Variants in SH3RF3 observed in about 807,000 individuals in gnomAD.
SH3RF3 encodes the protein E3 ubiquitin-protein ligase SH3RF3.
Under a neutral mutation model 66.3 loss-of-function variants are expected in SH3RF3, and 29 were observed. That is an observed-to-expected ratio of 0.44 (90% confidence interval 0.33 to 0.60). SH3RF3 has a LOEUF of 0.60. Among genes scored for constraint, SH3RF3 ranks in the 20% least tolerant of loss-of-function variants. The probability of loss-of-function intolerance (pLI) is 0.04; values close to 1 mark genes in which losing one functional copy is unlikely to be tolerated. For synonymous variants in SH3RF3, 583 were observed against 532.0 expected, an observed-to-expected ratio of 1.10 and a Z score of -1.32; for missense variants, 1,194 against 1,190.9, an observed-to-expected ratio of 1.00 and a Z score of -0.04.
chr2:109,410,063 A>G (rs147798100), intron 4 of SH3RF3, among the ~76,000 whole-genome samples: 3,094 of 152,282 alleles, frequency 0.02, 47 homozygotes, highest in Non-Finnish European at 0.032. Context: ...TAATCCCAGC[A>G]GGGAACTAAT....
chr2:109,256,163 G>A (rs185198685), intron 1 of SH3RF3, among the ~76,000 whole-genome samples: 4 of 152,276 alleles, frequency 2.6e-5, no homozygotes, highest in African/African-American at 7.2e-5. Flanking sequence ...AGCACCTGGC[G>A]GAGGCCCTCA....
chr2:109,441,158 A>G (rs1346170753), intron 7 of SH3RF3, among the ~76,000 whole-genome samples: 1 of 148,896 alleles, frequency 6.7e-6, no homozygotes, highest in Non-Finnish European at 1.5e-5. Context: ...TCCAGCTCTC[A>G]ACAACATAAA....
intron 2 of SH3RF3, among the ~76,000 whole-genome samples, chr2:109,358,224 A>G (rs1287206823): frequency 6.6e-6 from 1 of 152,234 alleles, no homozygotes; most frequent in Non-Finnish European, 1.5e-5. Context: ...ATAGCTTAAT[A>G]GCTCATTTCC....
intron 1 of SH3RF3, among the ~76,000 whole-genome samples, chr2:109,295,043 C>A (rs1228528851): frequency 2.6e-5 from 4 of 152,254 alleles, no homozygotes; most frequent in Non-Finnish European, 5.9e-5. Context: ...TTCTCAGGAT[C>A]CCTGCAGGAA....
intron 7 of SH3RF3, among the ~76,000 whole-genome samples, chr2:109,442,766 A>G (rs1373349765): frequency 1.3e-5 from 2 of 152,254 alleles, no homozygotes; most frequent in African/African-American, 4.8e-5. Flanking sequence ...GAAAACATCC[A>G]AAAGAAAGCA....
intron 4 of SH3RF3, among the ~76,000 whole-genome samples, chr2:109,412,069 C>T (rs1410136067): frequency 6.6e-6 from 1 of 152,226 alleles, no homozygotes; most frequent in African/African-American, 2.4e-5. Flanking sequence ...CCTCCTGACA[C>T]CGAGCCCTGT....
rs148130340 is a variant in SH3RF3, at chr2:109,421,269, A to C, written c.1403+1627A>C. Among the ~76,000 whole-genome samples, 36 of 152,350 alleles carry C rather than the reference A, an allele frequency of 2.4e-4. No individual in the cohort carries two copies. In the East Asian group the frequency reaches 6.4e-3, roughly 27 times the overall value. On this transcript the variant is annotated intron_variant, in intron 5 of 9. Transcript: ENST00000309415. ...GGTTGCTGAGGCCATGAGTGCTTCA[A>C]GGGCAAAGCCCAGATGTGTTTGTTT...
chr2:109,209,840 T>A (rs1413955619), intron 1 of SH3RF3, among the ~76,000 whole-genome samples: 3 of 152,218 alleles, frequency 2.0e-5, no homozygotes, highest in Non-Finnish European at 4.4e-5. Flanking sequence ...TGACAAAACA[T>A]ATATTACATA....
intron 3 of SH3RF3, among the ~76,000 whole-genome samples, chr2:109,383,643 A>G (rs1675752254): frequency 6.6e-6 from 1 of 151,970 alleles, no homozygotes; most frequent in Non-Finnish European, 1.5e-5. Flanking sequence ...CCTGAATTCC[A>G]CCTGTGATGC....
chr2:109,202,890 G>A (rs1678716310), intron 1 of SH3RF3, among the ~76,000 whole-genome samples: 1 of 152,258 alleles, frequency 6.6e-6, no homozygotes, highest in Non-Finnish European at 1.5e-5. Context: ...GATTAGCACA[G>A]TTTTGTCCCG....
chr2:109,486,011 G>C (rs891376705), intron 8 of SH3RF3, among the ~76,000 whole-genome samples: 1 of 152,240 alleles, frequency 6.6e-6, no homozygotes, highest in African/African-American at 2.4e-5. Context: ...CAGTGTGTGC[G>C]CTCCAGCCAG....
chr2:109,174,942 A>G (rs1677882695), intron 1 of SH3RF3, among the ~76,000 whole-genome samples: 1 of 152,182 alleles, frequency 6.6e-6, no homozygotes, highest in Non-Finnish European at 1.5e-5. Context: ...GAGTCCTTGC[A>G]TTTGCCTTAA....
intron 1 of SH3RF3, among the ~76,000 whole-genome samples, chr2:109,210,262 G>A (rs902556029): frequency 2.6e-5 from 4 of 152,224 alleles, no homozygotes; most frequent in Admixed American, 1.3e-4. Context: ...GTCACTATGC[G>A]TGTAGGTGTA....
At chr2:109,203,074 G>C (rs551859871) in intron 1 of SH3RF3, among the ~76,000 whole-genome samples, 2 of 152,324 alleles carry the variant, frequency 1.3e-5, no homozygotes, top group South Asian at 4.1e-4. Flanking sequence ...GGCTACAGAA[G>C]CTCCGTCGAG....
chr2:109,466,783 G>T (rs1678356751), intron 8 of SH3RF3, among the ~76,000 whole-genome samples: 1 of 149,258 alleles, frequency 6.7e-6, no homozygotes, highest in South Asian at 2.1e-4. Context: ...GTCTATACTT[G>T]TGCATGTGTG....
At chr2:109,346,301 G>A (rs896344718) in intron 1 of SH3RF3, among the ~76,000 whole-genome samples, 4 of 152,138 alleles carry the variant, frequency 2.6e-5, no homozygotes, top group East Asian at 3.9e-4. Flanking sequence ...GTCGTTTGAC[G>A]TTGCTGAAAC....
rs1052847454 is a variant in SH3RF3, at chr2:109,504,483, T to C, written c.*2812T>C. ...CAGCCGACTGGGAGATCCTTTGTAC[T>C]TTGCACAGTTCACACACACAAACAC... On this transcript the variant is annotated 3_prime_UTR_variant, in exon 10 of 10. Coordinates refer to ENST00000309415, the MANE Select transcript of SH3RF3 (RefSeq NM_001099289.3). 6.7e-6 allele frequency: 1 copy of C among 148,984 alleles called. No homozygotes were observed. The highest frequency in any genetic ancestry group is 2.4e-5 in the African/African-American group (1 of 41,298). 9.2% of individuals were successfully genotyped at this position (148,984 alleles called of 1,614,324 possible). A position where few individuals can be genotyped will look rare whatever the true frequency, so the allele number is the denominator to read the frequency against.
chr2:109,266,586 C>T (rs752474311), intron 1 of SH3RF3, among the ~76,000 whole-genome samples: 14 of 152,138 alleles, frequency 9.2e-5, no homozygotes, highest in Non-Finnish European at 1.8e-4. Context: ...GCCTGATGCC[C>T]GTCACCGAGA....
chr2:109,475,220 A>C (rs1231122756), intron 8 of SH3RF3, among the ~76,000 whole-genome samples: 1 of 151,706 alleles, frequency 6.6e-6, no homozygotes, highest in Non-Finnish European at 1.5e-5. Flanking sequence ...CTCGTGATCC[A>C]CCCGCCTCGG....
Sources: gnomAD v4.1 joint callset for allele counts (sites outside exome capture counted in the v4.1 genomes callset) on GRCh38, gnomAD v4.1.1 for gene constraint, MANE v1.5 for transcripts, NCBI Gene and HGNC (gene_info 2026-07-23, HGNC 2026-07-21) for gene names.